Variants in EEFSEC observed in about 807,000 individuals in gnomAD.
The protein encoded by EEFSEC is eukaryotic elongation factor, selenocysteine-tRNA specific.
A neutral mutation model predicts 42.1 loss-of-function variants in EEFSEC; 43 were observed. The ratio of observed to expected loss-of-function variants is 1.02; its 90% CI spans 0.80 to 1.32. The LOEUF is 1.32. EEFSEC is among the 40% of genes most tolerant of loss of function. EEFSEC has a pLI of 0.00. For missense variants in EEFSEC, 745 were observed against 803.6 expected, an observed-to-expected ratio of 0.93 and a Z score of 0.88; for synonymous variants, 354 against 339.1, an observed-to-expected ratio of 1.04 and a Z score of -0.48.
At chr3:128,212,702 G>A (rs1300268416) in intron 1 of EEFSEC, among the ~76,000 whole-genome samples, 1 of 152,238 alleles carries the variant, frequency 6.6e-6, no homozygotes, top group African/African-American at 2.4e-5. Context: ...TTCGAGAGGA[G>A]TAAAAGCATG....
chr3:128,371,676 C>T (rs1394227948), intron 6 of EEFSEC, among the ~76,000 whole-genome samples: 1 of 152,172 alleles, frequency 6.6e-6, no homozygotes, highest in Non-Finnish European at 1.5e-5. Flanking sequence ...ACCCCAGAAC[C>T]TGTTGGGGTG....
intron 4 of EEFSEC, among the ~76,000 whole-genome samples, chr3:128,319,087 G>C (rs1340450710): frequency 6.6e-6 from 1 of 152,184 alleles, no homozygotes; most frequent in Non-Finnish European, 1.5e-5. Flanking sequence ...AGAAAGCCTG[G>C]GGATTTTCAC....
chr3:128,325,645 T>C (rs532701055), intron 4 of EEFSEC, among the ~76,000 whole-genome samples: 1 of 152,334 alleles, frequency 6.6e-6, no homozygotes, highest in African/African-American at 2.4e-5. Flanking sequence ...AACCTTTTCT[T>C]CATGTATGAA....
chr3:128,258,626 C>T (rs1041661085), intron 2 of EEFSEC, among the ~76,000 whole-genome samples: 1 of 152,126 alleles, frequency 6.6e-6, no homozygotes, highest in Non-Finnish European at 1.5e-5. Context: ...AGAAGTTCTT[C>T]CTACCTTAGA....
At chr3:128,256,409 A>C (rs922352153) in intron 2 of EEFSEC, among the ~76,000 whole-genome samples, 3 of 152,232 alleles carry the variant, frequency 2.0e-5, no homozygotes, top group Non-Finnish European at 4.4e-5. Flanking sequence ...CTTAAACATA[A>C]TATTTTAACT....
intron 1 of EEFSEC, among the ~76,000 whole-genome samples, chr3:128,222,758 T>C (rs2065873355): frequency 6.6e-6 from 1 of 152,254 alleles, no homozygotes; most frequent in Admixed American, 6.5e-5. Flanking sequence ...TGGGGCCTTA[T>C]ATTCTGTAAA....
intron 1 of EEFSEC, among the ~76,000 whole-genome samples, chr3:128,160,457 T>C (rs909988555): frequency 1.3e-5 from 2 of 151,994 alleles, no homozygotes; most frequent in South Asian, 4.2e-4. Flanking sequence ...TGGCCCTTAG[T>C]GTAGATTTTT....
chr3:128,169,104 A>T (rs1017997323), intron 1 of EEFSEC, among the ~76,000 whole-genome samples: 6 of 152,220 alleles, frequency 3.9e-5, no homozygotes, highest in Non-Finnish European at 5.9e-5. Flanking sequence ...ATTATAAATT[A>T]TGTAAGTGCT....
At chr3:128,322,795 C>T (rs572909126) in intron 4 of EEFSEC, among the ~76,000 whole-genome samples, 1 of 152,272 alleles carries the variant, frequency 6.6e-6, no homozygotes, top group Admixed American at 6.5e-5. Context: ...GGGTCTGCAG[C>T]CCGAAGCACA....
At chr3:128,416,052 G>A in the EEFSEC span, among the ~76,000 whole-genome samples, 1 of 152,324 alleles carries the variant, frequency 6.6e-6, no homozygotes, top group Non-Finnish European at 1.5e-5. Context: ...ACCAGGCTGC[G>A]GCCCAGCCCT....
intron 4 of EEFSEC, among the ~76,000 whole-genome samples, chr3:128,280,985 G>A (rs1373969656): frequency 1.3e-5 from 2 of 151,946 alleles, no homozygotes; most frequent in African/African-American, 2.4e-5. Context: ...AAATACTTTC[G>A]TCCCTTTCAC....
chr3:128,289,395 A>G (rs1444306158), intron 4 of EEFSEC, among the ~76,000 whole-genome samples: 1 of 152,190 alleles, frequency 6.6e-6, no homozygotes, highest in Non-Finnish European at 1.5e-5. Context: ...CATATCACAA[A>G]TTCAGGTGCC....
At chr3:128,216,289 G>A (rs1338596763) in intron 1 of EEFSEC, among the ~76,000 whole-genome samples, 4 of 152,204 alleles carry the variant, frequency 2.6e-5, no homozygotes, top group African/African-American at 9.7e-5. Flanking sequence ...TCAAAGCTTG[G>A]CCAGTCACCA....
intron 1 of EEFSEC, among the ~76,000 whole-genome samples, chr3:128,213,961 G>C (rs1388187884): frequency 6.6e-6 from 1 of 152,118 alleles, no homozygotes; most frequent in African/African-American, 2.4e-5. Flanking sequence ...TAGATTAAAG[G>C]AAACTAAAGA....
chr3:128,376,755 A>C (rs1468483625), intron 6 of EEFSEC, among the ~76,000 whole-genome samples: 1 of 152,208 alleles, frequency 6.6e-6, no homozygotes, highest in East Asian at 1.9e-4. Flanking sequence ...AGGATTCACC[A>C]GTGCCTAACT....
chr3:128,253,777 C>T (rs575586480), intron 2 of EEFSEC, among the ~76,000 whole-genome samples: 25 of 152,256 alleles, frequency 1.6e-4, no homozygotes, highest in African/African-American at 5.1e-4. Flanking sequence ...TCTGTGGGGG[C>T]AGTGTGTCAT....
chr3:128,405,562 C>A (rs1432580872), intron 6 of EEFSEC, among the ~76,000 whole-genome samples: 1 of 152,238 alleles, frequency 6.6e-6, no homozygotes, highest in Non-Finnish European at 1.5e-5. Flanking sequence ...TGGCCAACAT[C>A]TTCAGGAAAC....
intron 6 of EEFSEC, among the ~76,000 whole-genome samples, chr3:128,394,194 G>C (rs2067952011): frequency 6.6e-6 from 1 of 152,228 alleles, no homozygotes; most frequent in Non-Finnish European, 1.5e-5. Context: ...CTCAGCCCCT[G>C]CAGGTCAGGG....
chr3:128,345,248 T>C (rs1424927487), intron 5 of EEFSEC, among the ~76,000 whole-genome samples: 1 of 152,210 alleles, frequency 6.6e-6, no homozygotes, highest in Non-Finnish European at 1.5e-5. Flanking sequence ...TTATCATTAT[T>C]AATGTTTAAG....
Sources: allele counts gnomAD v4.1 joint callset (sites outside exome capture counted in the v4.1 genomes callset), GRCh38; gene constraint gnomAD v4.1.1; transcripts MANE v1.5; gene names NCBI Gene and HGNC (gene_info 2026-07-23, HGNC 2026-07-21).